STAU2: variants seen among roughly 807,000 people sequenced by gnomAD.
STAU2 encodes staufen double-stranded RNA binding protein 2.
STAU2 carries 20 observed loss-of-function variants against 65.9 expected under a neutral mutation model. The observed-to-expected ratio is 0.30, with a 90% CI of 0.21 to 0.44. STAU2 has a LOEUF of 0.44. Among genes scored for constraint, STAU2 ranks in the 20% least tolerant of loss-of-function variants. STAU2 has a pLI of 1.00. For synonymous variants in STAU2, 232 were observed against 233.9 expected, an observed-to-expected ratio of 0.99 and a Z score of 0.07; for missense variants, 558 against 683.9, an observed-to-expected ratio of 0.82 and a Z score of 2.05.
At chr8:73,738,614 A>T (rs1217100556) in intron 2 of STAU2, among the ~76,000 whole-genome samples, 2 of 152,242 alleles carry the variant, frequency 1.3e-5, no homozygotes, top group African/African-American at 4.8e-5. Context: ...CACTTGAATA[A>T]CTACGTCACT....
chr8:73,493,334 AG>A (rs1275543886), intron 13 of STAU2, among the ~76,000 whole-genome samples: 2 of 151,858 alleles, frequency 1.3e-5, no homozygotes, highest in African/African-American at 4.8e-5. Flanking sequence ...AAAATGAATA[AG>A]GAAGCCTAAG....
chr8:73,514,475 T>C (rs1233066949), intron 13 of STAU2, among the ~76,000 whole-genome samples: 1 of 152,220 alleles, frequency 6.6e-6, no homozygotes, highest in African/African-American at 2.4e-5. Context: ...TACAATCATT[T>C]ATGTCTGGAA....
chr8:73,590,160 AAGG>A (rs1171701301), intron 11 of STAU2, among the ~76,000 whole-genome samples: 7 of 136,200 alleles, frequency 5.1e-5, no homozygotes, highest in African/African-American at 1.5e-4. Flanking sequence ...AGAGGATAAG[AAGG>A]AGAAGAAGAA....
intron 13 of STAU2, among the ~76,000 whole-genome samples, chr8:73,448,360 T>G (rs1818593898): frequency 6.6e-6 from 1 of 152,164 alleles, no homozygotes; most frequent in Non-Finnish European, 1.5e-5. Context: ...CTTGGCTCAC[T>G]GCAACTGCTG....
intron 9 of STAU2, 61 bp from the exon 10 acceptor site, chr8:73,603,924 TAAAG>T: frequency 6.6e-7 from 1 of 1,517,900 alleles, no homozygotes; most frequent in South Asian, 1.3e-5. Flanking sequence ...ATTGAATCCT[TAAAG>T]AAACAGTGCT....
intron 13 of STAU2, among the ~76,000 whole-genome samples, chr8:73,437,365 G>A (rs776045446): frequency 2.0e-5 from 3 of 152,164 alleles, no homozygotes; most frequent in Non-Finnish European, 4.4e-5. Flanking sequence ...CATGATGATC[G>A]GAGAAGGGTG....
chr8:73,487,497 C>T (rs751690388), intron 13 of STAU2, among the ~76,000 whole-genome samples: 4 of 152,096 alleles, frequency 2.6e-5, no homozygotes, highest in Non-Finnish European at 5.9e-5. Flanking sequence ...TCCTTTTTCA[C>T]ATAAACACAC....
At chr8:73,603,521 G>A (rs1256975686) in intron 10 of STAU2, among the ~76,000 whole-genome samples, 1 of 152,164 alleles carries the variant, frequency 6.6e-6, no homozygotes, top group Non-Finnish European at 1.5e-5. Context: ...AGAGTCCCTT[G>A]GAAAACTCAT....
chr8:73,492,719 G>T (rs1243011285), intron 13 of STAU2, among the ~76,000 whole-genome samples: 4 of 151,728 alleles, frequency 2.6e-5, no homozygotes, highest in African/African-American at 9.7e-5. Context: ...AGACAGATTG[G>T]ATTTATACAT....
intron 6 of STAU2, among the ~76,000 whole-genome samples, chr8:73,625,463 C>T (rs1813566994): frequency 6.6e-6 from 1 of 152,184 alleles, no homozygotes; most frequent in South Asian, 2.1e-4. Context: ...AGAGTATATA[C>T]TCTATGATTC....
At chr8:73,681,704 A>C (rs1487953834) in intron 5 of STAU2, among the ~76,000 whole-genome samples, 2 of 152,168 alleles carry the variant, frequency 1.3e-5, no homozygotes, top group Non-Finnish European at 2.9e-5. Flanking sequence ...AGAATTCACC[A>C]ACCAAGTATC....
At chr8:73,529,094 A>G (rs1431617662) in intron 13 of STAU2, among the ~76,000 whole-genome samples, 2 of 152,146 alleles carry the variant, frequency 1.3e-5, no homozygotes, top group African/African-American at 4.8e-5. Context: ...TACTATAAAG[A>G]TTTTGTTATA....
At chr8:73,746,460 C>A (rs564467495) in intron 1 of STAU2, among the ~76,000 whole-genome samples, 36 of 152,116 alleles carry the variant, frequency 2.4e-4, no homozygotes, top group African/African-American at 8.2e-4. Flanking sequence ...TCCGCACCCC[C>A]ACTTGGCCCG....
At chr8:73,478,103 A>T (rs1412580808) in intron 13 of STAU2, among the ~76,000 whole-genome samples, 1 of 150,934 alleles carries the variant, frequency 6.6e-6, no homozygotes, top group Non-Finnish European at 1.5e-5. Context: ...AAGTGCTCAC[A>T]ATTTGGGGAC....
intron 12 of STAU2, among the ~76,000 whole-genome samples, chr8:73,573,844 G>T (rs1384770399): frequency 6.6e-6 from 1 of 152,078 alleles, no homozygotes; most frequent in Non-Finnish European, 1.5e-5. Flanking sequence ...ATAGGCATGG[G>T]CAAGGAGTTC....
In STAU2 at chr8:73,613,718, A is replaced by G. The variant is rs767843359; in HGVS notation, c.891+26T>C. On this transcript the variant is annotated intron_variant, in intron 9 of 14. Transcript: ENST00000524300. Reference sequence around the variant, plus strand: ...CTATAATATTTATTTAGTAAAACTGACTGATGTTCACAAATATAAACTTAC... The same window carrying G: ...CTATAATATTTATTTAGTAAAACTGGCTGATGTTCACAAATATAAACTTAC... 3.2e-6 allele frequency: 5 copies of G among 1,541,460 alleles called. No individual in the cohort carries two copies. In the South Asian group the frequency reaches 5.8e-5, roughly 18 times the overall value.
intron 13 of STAU2, among the ~76,000 whole-genome samples, chr8:73,465,021 A>T (rs1819574050): frequency 6.6e-6 from 1 of 152,242 alleles, no homozygotes; most frequent in South Asian, 2.1e-4. Flanking sequence ...AAGAATAAAC[A>T]GCAACATGAT....
chr8:73,670,340 G>A (rs1817581961), intron 6 of STAU2: 1 of 151,924 alleles, frequency 6.6e-6, no homozygotes, highest in Non-Finnish European at 1.5e-5. Flanking sequence ...CATTAGCAAG[G>A]GGAAGATAGT....
intron 4 of STAU2, among the ~76,000 whole-genome samples, chr8:73,702,814 G>A (rs1820208641): frequency 6.6e-6 from 1 of 152,126 alleles, no homozygotes; most frequent in African/African-American, 2.4e-5. Context: ...AGTCACTACG[G>A]AAGTGCAAAC....
Sources: allele counts gnomAD v4.1 joint callset (sites outside exome capture counted in the v4.1 genomes callset), GRCh38; gene constraint gnomAD v4.1.1; transcripts MANE v1.5; gene names NCBI Gene and HGNC (gene_info 2026-07-23, HGNC 2026-07-21).